PIGU: variants seen among roughly 807,000 people sequenced by gnomAD.
PIGU encodes the protein GPI-anchor transamidase component PIGU.
In PIGU, 24 loss-of-function variants were observed where a neutral mutation model predicts 49.9. That is an observed-to-expected ratio of 0.48 (90% CI 0.35 to 0.68). The LOEUF is 0.68. PIGU is among the 30% of genes least tolerant of loss of function. The probability of loss-of-function intolerance (pLI) is 0.01; values close to 1 mark genes in which losing one functional copy is unlikely to be tolerated. For synonymous variants in PIGU, 220 were observed against 205.7 expected, an observed-to-expected ratio of 1.07 and a Z score of -0.59; for missense variants, 490 against 532.6, an observed-to-expected ratio of 0.92 and a Z score of 0.79.
intron 11 of PIGU, among the ~76,000 whole-genome samples, chr20:34,563,809 A>G (rs773651019): frequency 6.6e-6 from 1 of 152,198 alleles, no homozygotes; most frequent in Non-Finnish European, 1.5e-5. Context: ...TTTACAGTGG[A>G]GAGACCTGGC....
chr20:34,663,961 A>G (rs1001684449), intron 1 of PIGU, among the ~76,000 whole-genome samples: 4 of 152,202 alleles, frequency 2.6e-5, no homozygotes, highest in African/African-American at 9.6e-5. Flanking sequence ...CACAACTTTT[A>G]GGCAATTGCC....
intron 6 of PIGU, among the ~76,000 whole-genome samples, chr20:34,624,568 G>A (rs542907843): frequency 3.9e-5 from 6 of 152,240 alleles, no homozygotes; most frequent in African/African-American, 1.4e-4. Context: ...AGAATATCTC[G>A]CTGTTGACAA....
At chr20:34,615,057 T>C (rs1441293511) in intron 7 of PIGU, among the ~76,000 whole-genome samples, 1 of 152,230 alleles carries the variant, frequency 6.6e-6, no homozygotes, top group Non-Finnish European at 1.5e-5. Flanking sequence ...ATGGTTCATA[T>C]CTTAGCAATG....
chr20:34,567,245 G>A (rs1047583786), intron 11 of PIGU, among the ~76,000 whole-genome samples: 9 of 152,366 alleles, frequency 5.9e-5, no homozygotes, highest in South Asian at 2.1e-4. Flanking sequence ...GCACTTTGGC[G>A]TAACCTGGCA....
At chr20:34,639,535 TGAGA>T (rs201901133) in intron 4 of PIGU, among the ~76,000 whole-genome samples, 7 of 150,260 alleles carry the variant, frequency 4.7e-5, no homozygotes, top group Admixed American at 2.7e-4. Context: ...GATGAAAGTA[TGAGA>T]GAGAGAGAGA....
At chr20:34,606,083 G>A (rs901049094) in intron 7 of PIGU, among the ~76,000 whole-genome samples, 32 of 151,766 alleles carry the variant, frequency 2.1e-4, no homozygotes, top group African/African-American at 7.5e-4. Flanking sequence ...GTGAAACCCC[G>A]TCTTTACTAA....
At position 34,570,915 on chromosome 20, in the gene PIGU, G is replaced by A. The variant is rs370617170; in HGVS notation, c.1194+4189C>T. Among the ~76,000 whole-genome samples, 5 of 152,226 alleles carry A rather than the reference G, an allele frequency of 3.3e-5. No individual in the cohort carries two copies. In the East Asian group the frequency reaches 9.6e-4, roughly 29 times the overall value. ...GGTTAAAAAAAAACTGCTTCCTTTG[G>A]TTCATGGACTGTCTCTCCAGGAATC... On this transcript the variant is annotated intron_variant, in intron 11 of 11. Transcript: ENST00000217446.
intron 6 of PIGU, among the ~76,000 whole-genome samples, chr20:34,626,303 CTT>C (rs368354750): frequency 5.8e-5 from 8 of 137,964 alleles, no homozygotes; most frequent in Admixed American, 1.5e-4. Context: ...AAACTCCAAA[CTT>C]TTTTTTTTTT....
intron 7 of PIGU, among the ~76,000 whole-genome samples, chr20:34,598,529 G>A (rs1165693176): frequency 6.6e-6 from 1 of 152,116 alleles, no homozygotes; most frequent in Admixed American, 6.5e-5. Context: ...CCAAATTCTA[G>A]CACACCTAAA....
rs184075720 is a variant in PIGU, at chr20:34,611,908, G to C, written c.627+4134C>G. Among the ~76,000 whole-genome samples the C allele has an allele frequency of 3.9e-5, 6 of 152,286 alleles. No homozygotes were observed. In the East Asian group the frequency reaches 1.2e-3, roughly 29 times the overall value. ...AAAATAGGAATGCTTTTACATTTTT[G>C]GTGGGAATGTAAATTAGTTCAACCA... is the stretch of plus-strand genomic sequence containing the variant. On this transcript the variant is annotated intron_variant, in intron 7 of 11. Transcript: ENST00000217446.
chr20:34,647,105 C>T (rs1455468875), intron 2 of PIGU, among the ~76,000 whole-genome samples: 1 of 151,968 alleles, frequency 6.6e-6, no homozygotes, highest in Non-Finnish European at 1.5e-5. Context: ...CGGGTTCAAG[C>T]GATTCTCCTG....
chr20:34,669,394 C>T (rs1389770870), intron 1 of PIGU, among the ~76,000 whole-genome samples: 1 of 152,020 alleles, frequency 6.6e-6, no homozygotes, highest in Non-Finnish European at 1.5e-5. Flanking sequence ...CAGGCTGGTG[C>T]AGTGACTCAT....
At chr20:34,617,688 T>G (rs7272827) in intron 6 of PIGU, among the ~76,000 whole-genome samples, 2,486 of 152,212 alleles carry the variant, frequency 0.016, 83 homozygotes, top group African/African-American at 0.058. Flanking sequence ...AGTTAAGACT[T>G]TGGGGGACTG....
At chr20:34,580,750 G>A (rs920666066) in intron 10 of PIGU, among the ~76,000 whole-genome samples, 36 of 152,232 alleles carry the variant, frequency 2.4e-4, no homozygotes, top group African/African-American at 8.0e-4. Context: ...AAAGGTGAAT[G>A]AGTTGTGATA....
intron 7 of PIGU, among the ~76,000 whole-genome samples, chr20:34,595,609 T>C (rs1467637079): frequency 6.6e-6 from 1 of 152,176 alleles, no homozygotes; most frequent in Non-Finnish European, 1.5e-5. Context: ...TTTGTACAGC[T>C]GACTCTTAGA....
At chr20:34,561,045 T>C (rs1982479098) in intron 11 of PIGU, 66 bp from the exon 12 acceptor site, 1 of 1,140,662 alleles carries the variant, frequency 8.8e-7, no homozygotes, top group African/African-American at 1.6e-5. Context: ...ATCCCTGAAC[T>C]GCTGGCAGGT....
chr20:34,594,227 T>C (rs1367793219), intron 7 of PIGU, among the ~76,000 whole-genome samples: 1 of 152,178 alleles, frequency 6.6e-6, no homozygotes, highest in East Asian at 1.9e-4. Context: ...AATTCCACTT[T>C]CTAGAAATCT....
At chr20:34,608,092 G>A (rs1473233911) in intron 7 of PIGU, among the ~76,000 whole-genome samples, 1 of 55,412 alleles carries the variant, frequency 1.8e-5, no homozygotes, top group African/African-American at 7.1e-5. Context: ...TTTTTTTTTT[G>A]AGACAAGAAT....
intron 1 of PIGU, among the ~76,000 whole-genome samples, chr20:34,666,521 AATTAATTT>A (rs1196247694): frequency 1.3e-5 from 2 of 149,868 alleles, no homozygotes; most frequent in African/African-American, 2.5e-5. Context: ...TTATTTAATT[AATTAATTT>A]ATTTATTTAT....
Sources: allele counts gnomAD v4.1 joint callset (sites outside exome capture counted in the v4.1 genomes callset), GRCh38; gene constraint gnomAD v4.1.1; transcripts MANE v1.5; gene names NCBI Gene and HGNC (gene_info 2026-07-23, HGNC 2026-07-21).